LRRN3: variants seen among roughly 807,000 people sequenced by gnomAD.
LRRN3 encodes leucine-rich repeat neuronal protein 3.
Under a neutral mutation model 40.1 loss-of-function variants are expected in LRRN3, and 15 were observed. The ratio of observed to expected loss-of-function variants is 0.37; its 90% confidence interval spans 0.25 to 0.58. LRRN3 has a LOEUF of 0.58. Among genes scored for constraint, LRRN3 ranks in the 20% least tolerant of loss-of-function variants. LRRN3 has a pLI of 0.72. For missense variants in LRRN3, 746 were observed against 837.7 expected (o/e 0.89, Z 1.35); for synonymous variants, 308 against 297.2 (o/e 1.04, Z -0.37).
At chr7:111,119,834 G>T (rs1322556364) in intron 2 of LRRN3, among the ~76,000 whole-genome samples, 2 of 152,170 alleles carry the variant, frequency 1.3e-5, no homozygotes, top group African/African-American at 2.4e-5. Flanking sequence ...AAAGGATCAA[G>T]GAAATGCCTG....
chr7:111,100,801 T>C (rs1249635081), intron 2 of LRRN3, among the ~76,000 whole-genome samples: 1 of 151,564 alleles, frequency 6.6e-6, no homozygotes, highest in African/African-American at 2.4e-5. Context: ...TATCATTTCT[T>C]AGGGAATGGA....
intron 1 of LRRN3, among the ~76,000 whole-genome samples, chr7:111,098,069 G>GA (rs1485124094): frequency 2.0e-5 from 3 of 151,718 alleles, no homozygotes; most frequent in Non-Finnish European, 4.4e-5. Context: ...ATATATGAAA[G>GA]ATAAACATAC....
At chr7:111,118,553 C>A (rs1395335478) in intron 2 of LRRN3, among the ~76,000 whole-genome samples, 1 of 151,958 alleles carries the variant, frequency 6.6e-6, no homozygotes, top group East Asian at 1.9e-4. Flanking sequence ...GTCTCAATAA[C>A]CTTACATTAA....
chr7:111,107,911 C>T (rs1458349885), intron 2 of LRRN3, among the ~76,000 whole-genome samples: 1 of 152,106 alleles, frequency 6.6e-6, no homozygotes, highest in Non-Finnish European at 1.5e-5. Context: ...ATGTGTGCTG[C>T]ATAGATTTAG....
chr7:111,096,516 A>C (rs543943490), intron 1 of LRRN3, among the ~76,000 whole-genome samples: 1 of 151,370 alleles, frequency 6.6e-6, no homozygotes, highest in South Asian at 2.1e-4. Context: ...TTTAAAAAAA[A>C]AAAAACAAAA....
chr7:111,106,467 C>T (rs1217137985), intron 2 of LRRN3, among the ~76,000 whole-genome samples: 1 of 151,694 alleles, frequency 6.6e-6, no homozygotes, highest in African/African-American at 2.4e-5. Context: ...CAATTAAAAA[C>T]AAACAAATAA....
At chr7:111,103,609 T>C (rs1798219292) in intron 2 of LRRN3, among the ~76,000 whole-genome samples, 1 of 151,726 alleles carries the variant, frequency 6.6e-6, no homozygotes, top group Non-Finnish European at 1.5e-5. Context: ...TCATTTCTCC[T>C]GTTCCAATAT....
intron 2 of LRRN3, among the ~76,000 whole-genome samples, chr7:111,111,945 T>A (rs1434040633): frequency 8.1e-6 from 1 of 123,308 alleles, no homozygotes; most frequent in Non-Finnish European, 1.7e-5. Flanking sequence ...ATAGTTTGTT[T>A]TTTTTTTTTT....
intron 2 of LRRN3, among the ~76,000 whole-genome samples, chr7:111,120,074 G>A (rs1800403418): frequency 6.6e-6 from 1 of 152,154 alleles, no homozygotes; most frequent in African/African-American, 2.4e-5. Flanking sequence ...CAGGAAAATG[G>A]CAGACGGTGA....
Position 111,123,595 on chromosome 7 carries a change from A to T in LRRN3, c.823A>T (p.Ile275Leu). The T allele has an allele frequency of 6.2e-7, 1 of 1,613,198 alleles. No individual in the cohort carries two copies. Among genetic ancestry groups the T allele is most frequent in the Non-Finnish European group, 8.5e-7 (1 of 1,179,366 alleles). Residue 275 changes from isoleucine (I) to leucine (L), a missense_variant, in exon 3 of 3, where the codon ATA becomes TTA. By Grantham distance (5) the Ile-to-Leu change is conservative. Coordinates refer to ENST00000308478, the MANE Select transcript of LRRN3 (RefSeq NM_001099658.2). This position sits in a 1 kb window ranked among gnomAD's most constrained non-coding sequence, Gnocchi z 6.4. Reference sequence around the variant, plus strand: ...TCTAAATAAAAATCCTATTAATAGAATACGAAGGGGTGATTTTAGCAATAT... The same window carrying T: ...TCTAAATAAAAATCCTATTAATAGATTACGAAGGGGTGATTTTAGCAATAT... ...LDLNKNPINR[I>L]RRGDFSNMLH...
At chr7:111,119,762 G>A (rs559645485) in intron 2 of LRRN3, among the ~76,000 whole-genome samples, 18 of 152,194 alleles carry the variant, frequency 1.2e-4, no homozygotes, top group South Asian at 6.2e-4. Flanking sequence ...ATAATGCCCA[G>A]AAGATAGGAT....
At chr7:111,095,277 A>G (rs765189600) in intron 1 of LRRN3, among the ~76,000 whole-genome samples, 90 of 151,978 alleles carry the variant, frequency 5.9e-4, no homozygotes, top group Non-Finnish European at 1.1e-3. Flanking sequence ...ATAATGTAAT[A>G]CATTATACTT....
At position 111,124,020 on chromosome 7, in the gene LRRN3, G is replaced by A; in HGVS notation, c.1248G>A (p.Met416Ile). The A allele has an allele frequency of 6.2e-7, 1 of 1,614,024 alleles. No homozygotes were observed. The highest frequency in any genetic ancestry group is 8.5e-7 in the Non-Finnish European group (1 of 1,179,968). The change falls in exon 3 of 3, where the codon ATG (methionine) becomes ATA (isoleucine). Residue 416 changes from methionine (M) to isoleucine (I), a missense_variant. Coordinates refer to ENST00000308478, the MANE Select transcript of LRRN3 (RefSeq NM_001099658.2). ...GGCAAGTGCATTTCAGGGACATGATGGAAATTTGTCTCCCTCTTATAGCTC... is the reference window on the plus strand; with the variant it reads ...GGCAAGTGCATTTCAGGGACATGATAGAAATTTGTCTCCCTCTTATAGCTC... ...NVRQVHFRDM[M>I]EICLPLIAPE...
At chr7:111,101,837 C>G (rs1385661871) in intron 2 of LRRN3, among the ~76,000 whole-genome samples, 1 of 151,152 alleles carries the variant, frequency 6.6e-6, no homozygotes, top group Non-Finnish European at 1.5e-5. Context: ...TCTACTGCCC[C>G]CAATCTAAAA....
chr7:111,094,647 C>G (rs1797218111), intron 1 of LRRN3, among the ~76,000 whole-genome samples: 1 of 152,142 alleles, frequency 6.6e-6, no homozygotes, highest in Non-Finnish European at 1.5e-5. Context: ...CTTAGGAAAG[C>G]TTCACTGTAT....
intron 1 of LRRN3, among the ~76,000 whole-genome samples, chr7:111,098,587 T>C (rs1797643834): frequency 6.6e-6 from 1 of 151,792 alleles, no homozygotes; most frequent in Non-Finnish European, 1.5e-5. Context: ...GGAATGGTAA[T>C]AATACTGGCA....
At chr7:111,117,613 T>A (rs920312364) in intron 2 of LRRN3, among the ~76,000 whole-genome samples, 1 of 152,112 alleles carries the variant, frequency 6.6e-6, no homozygotes, top group East Asian at 1.9e-4. Flanking sequence ...AACAGTCTTT[T>A]ACAAGGATGC....
intron 1 of LRRN3, among the ~76,000 whole-genome samples, chr7:111,099,625 G>T (rs1726138040): frequency 6.6e-6 from 1 of 151,584 alleles, no homozygotes; most frequent in South Asian, 2.1e-4. Context: ...AAATGTTGCT[G>T]AGGATTCCTC....
chr7:111,112,224 A>C (rs917143779), intron 2 of LRRN3, among the ~76,000 whole-genome samples: 1 of 152,022 alleles, frequency 6.6e-6, no homozygotes, highest in Non-Finnish European at 1.5e-5. Context: ...TTCGCCTCCC[A>C]AAGTGCTGGG....
Sources: gnomAD v4.1 joint callset for allele counts (sites outside exome capture counted in the v4.1 genomes callset) on GRCh38, gnomAD v4.1.1 for gene constraint, Gnocchi (gnomAD v3.1) non-coding constraint, MANE v1.5 for transcripts, NCBI Gene and HGNC (gene_info 2026-07-23, HGNC 2026-07-21) for gene names.